The following TMTC2 variants were observed in gnomAD, a reference collection of about 807,000 sequenced individuals.
The protein encoded by TMTC2 is transmembrane O-mannosyltransferase targeting cadherins 2.
In TMTC2, 43 loss-of-function variants were observed where a neutral mutation model predicts 82.4. The ratio of observed to expected loss-of-function variants is 0.52; its 90% CI spans 0.41 to 0.67. The LOEUF (loss-of-function observed/expected upper bound fraction) is 0.67. TMTC2 is among the 30% of genes least tolerant of loss of function. The pLI is 0.00. For missense variants in TMTC2, 919 were observed against 1,012.4 expected, an observed-to-expected ratio of 0.91 and a Z score of 1.25; for synonymous variants, 408 against 381.9, an observed-to-expected ratio of 1.07 and a Z score of -0.80.
intron 1 of TMTC2, among the ~76,000 whole-genome samples, chr12:82,699,695 G>A (rs1872981115): frequency 6.6e-6 from 1 of 152,108 alleles, no homozygotes; most frequent in Non-Finnish European, 1.5e-5. Flanking sequence ...AATTAGCCTG[G>A]TGGTACATTT....
intron 8 of TMTC2, among the ~76,000 whole-genome samples, chr12:83,004,050 G>C (rs1880041251): frequency 6.6e-6 from 1 of 152,012 alleles, no homozygotes; most frequent in Non-Finnish European, 1.5e-5. Context: ...ATATTTCTTG[G>C]AGATTTAATC....
chr12:82,998,145 AC>A (rs1879746796), intron 8 of TMTC2, among the ~76,000 whole-genome samples: 1 of 152,196 alleles, frequency 6.6e-6, no homozygotes, highest in Non-Finnish European at 1.5e-5. Context: ...GTAATTTATT[AC>A]TGTCAAGTGT....
chr12:82,807,161 TATATA>T (rs1414824119), intron 1 of TMTC2, among the ~76,000 whole-genome samples: 3 of 152,126 alleles, frequency 2.0e-5, no homozygotes, highest in African/African-American at 7.2e-5. Context: ...CTATGAAACA[TATATA>T]AGGAAGTGAT....
intron 9 of TMTC2, among the ~76,000 whole-genome samples, chr12:83,034,916 G>T (rs550252118): frequency 6.6e-6 from 1 of 152,302 alleles, no homozygotes; most frequent in Admixed American, 6.5e-5. Context: ...TTGCCAACTT[G>T]CTGGTTATAG....
intron 1 of TMTC2, among the ~76,000 whole-genome samples, chr12:82,841,512 C>T (rs997926727): frequency 6.6e-6 from 1 of 152,084 alleles, no homozygotes; most frequent in Non-Finnish European, 1.5e-5. Flanking sequence ...TTCCTCCTTG[C>T]CTATCTGTTT....
intron 8 of TMTC2, among the ~76,000 whole-genome samples, chr12:82,990,951 T>C (rs1008105796): frequency 2.6e-5 from 4 of 152,140 alleles, no homozygotes; most frequent in African/African-American, 9.7e-5. Context: ...GGCATGATTA[T>C]AGAGTGAACA....
intron 1 of TMTC2, among the ~76,000 whole-genome samples, chr12:82,826,195 G>A (rs1869410376): frequency 6.6e-6 from 1 of 152,052 alleles, no homozygotes; most frequent in Non-Finnish European, 1.5e-5. Flanking sequence ...ATTTCTTTGT[G>A]GTTTGAGCTT....
Position 83,132,388 on chromosome 12 carries a change from G to C in TMTC2, c.2510G>C (p.Ter837SerextTer12), listed in dbSNP as rs772993074. 1 of 1,613,030 alleles carries C rather than the reference G, an allele frequency of 6.2e-7. No individual in the cohort carries two copies. The highest frequency in any genetic ancestry group is 1.1e-5 in the South Asian group (1 of 90,830). The change falls in exon 12 of 12, where the codon TGA (stop) becomes TCA (serine). Residue 837 changes from the stop codon to serine (S), a stop_lost. Transcript: ENST00000321196. ...CAAGGCTTAAAGACTTCTAAGACCT[G>C]ACACAGGAGGCAGAAGCCCATCCTC... ...EKQGLKTSKT[*>S]
chr12:83,125,075 C>T, intron 11 of TMTC2, among the ~76,000 whole-genome samples: 1 of 152,162 alleles, frequency 6.6e-6, no homozygotes, highest in East Asian at 1.9e-4. Context: ...AAAGGTTATT[C>T]TGCATGCTGG....
chr12:82,934,446 T>C (rs1876209126), intron 4 of TMTC2, among the ~76,000 whole-genome samples: 1 of 151,812 alleles, frequency 6.6e-6, no homozygotes, highest in African/African-American at 2.4e-5. Context: ...GTTCTCATAG[T>C]TCAACTCCCA....
At chr12:82,981,345 A>G (rs1878908614) in intron 7 of TMTC2, among the ~76,000 whole-genome samples, 2 of 151,864 alleles carry the variant, frequency 1.3e-5, no homozygotes, top group South Asian at 4.1e-4. Flanking sequence ...ACAACCCAAC[A>G]TTCTTTCCTT....
At chr12:83,031,049 G>T (rs939450687) in intron 9 of TMTC2, among the ~76,000 whole-genome samples, 170 bp downstream of exon 9, 1 of 152,024 alleles carries the variant, frequency 6.6e-6, no homozygotes, top group East Asian at 1.9e-4. Flanking sequence ...CCTATTAGAC[G>T]GGCTGTGCAT....
At chr12:83,034,514 G>A (rs573414309) in intron 9 of TMTC2, among the ~76,000 whole-genome samples, 1 of 152,292 alleles carries the variant, frequency 6.6e-6, no homozygotes, top group East Asian at 1.9e-4. Context: ...TACCGGAAGG[G>A]ACCATGTGGA....
intron 2 of TMTC2, among the ~76,000 whole-genome samples, chr12:82,871,271 C>CT (rs1290588035): frequency 2.0e-5 from 3 of 152,158 alleles, no homozygotes; most frequent in Non-Finnish European, 4.4e-5. Context: ...TCTCAAATAT[C>CT]TGACTCCAAA....
rs753914859 is a variant in TMTC2 at position 82,965,100 on chromosome 12, A to G, written c.1675A>G (p.Thr559Ala). 9 of 1,609,614 alleles carry G rather than the reference A, an allele frequency of 5.6e-6. No individual in the cohort carries two copies. The highest frequency in any genetic ancestry group is 7.6e-6 in the Non-Finnish European group (9 of 1,177,490). The part of the protein sequence containing the change: ...YYKLAIGSRP[T>A]LASAYLNTGI... The stretch of plus-strand genomic sequence containing the variant: ...TAAATTGGCCATTGGGAGCAGGCCT[A>G]CCCTGGCTTGTAAGTAATACTCAAG... The change falls in exon 5 of 12, where the codon ACC becomes GCC. Residue 559 changes from threonine (T) to alanine (A), a missense_variant. Physicochemically the swap from Thr to Ala is moderately conservative, Grantham distance 58. Transcript: ENST00000321196.
At chr12:82,693,710 C>T (rs1207821289) in intron 1 of TMTC2, among the ~76,000 whole-genome samples, 1 of 150,964 alleles carries the variant, frequency 6.6e-6, no homozygotes, top group East Asian at 2.0e-4. Flanking sequence ...TGGCTCACGC[C>T]TGTAATCCTA....
chr12:82,948,379 A>AAAG (rs1555200169), intron 4 of TMTC2, among the ~76,000 whole-genome samples: 1 of 149,042 alleles, frequency 6.7e-6, no homozygotes, highest in African/African-American at 2.5e-5. Context: ...TAAACAAAAA[A>AAAG]AAAAAAGATT....
At chr12:83,108,667 C>A (rs1025376440) in intron 11 of TMTC2, among the ~76,000 whole-genome samples, 3 of 151,336 alleles carry the variant, frequency 2.0e-5, no homozygotes, top group African/African-American at 7.3e-5. Context: ...ACCACTAAGA[C>A]CACTGGAGCA....
At chr12:83,076,095 A>C (rs2137496346) in intron 11 of TMTC2, among the ~76,000 whole-genome samples, 1 of 152,376 alleles carries the variant, frequency 6.6e-6, no homozygotes, top group South Asian at 2.1e-4. Context: ...GACTGGGGTC[A>C]GATTGTCGCA....
Sources: allele counts gnomAD v4.1 joint callset (sites outside exome capture counted in the v4.1 genomes callset), GRCh38; gene constraint gnomAD v4.1.1; transcripts MANE v1.5; gene names NCBI Gene and HGNC (gene_info 2026-07-23, HGNC 2026-07-21).